Variants in TFPI observed in about 807,000 individuals in gnomAD.
The protein encoded by TFPI is anti-convertin.
A neutral mutation model predicts 34.6 loss-of-function variants in TFPI; 15 were observed. That is an observed-to-expected ratio of 0.43 (90% CI 0.29 to 0.67). The LOEUF is 0.67. Ranked by LOEUF, TFPI falls within the 30% of genes least tolerant of loss-of-function variation. TFPI has a pLI of 0.15. For synonymous variants in TFPI, 105 were observed against 120.1 expected (o/e 0.87, Z 0.82); for missense variants, 301 against 364.0 (o/e 0.83, Z 1.41).
chr2:187,535,941 A>G (rs1310836531), intron 1 of TFPI, among the ~76,000 whole-genome samples: 1 of 152,210 alleles, frequency 6.6e-6, no homozygotes, highest in African/African-American at 2.4e-5. Context: ...ACCATCAGAG[A>G]ATACTATAAA....
intron 1 of TFPI, among the ~76,000 whole-genome samples, chr2:187,527,623 T>C (rs2106240153): frequency 6.6e-6 from 1 of 152,326 alleles, no homozygotes; most frequent in Non-Finnish European, 1.5e-5. Flanking sequence ...GGCATTAAGG[T>C]TCTTTATATA....
chr2:187,510,913 G>T (rs889462842), intron 1 of TFPI, among the ~76,000 whole-genome samples: 1 of 152,138 alleles, frequency 6.6e-6, no homozygotes, highest in Non-Finnish European at 1.5e-5. Flanking sequence ...TCTTTAACCC[G>T]GTGTCTGAGG....
intron 6 of TFPI, among the ~76,000 whole-genome samples, chr2:187,475,662 C>A (rs760182126): frequency 6.6e-6 from 1 of 152,030 alleles, no homozygotes; most frequent in Non-Finnish European, 1.5e-5. Context: ...ATTTTGTGAT[C>A]TTTTTTTCAA....
intron 1 of TFPI, among the ~76,000 whole-genome samples, chr2:187,542,360 CA>C (rs1465803946): frequency 6.7e-6 from 1 of 149,836 alleles, no homozygotes; most frequent in East Asian, 2.0e-4. Context: ...TGTGTTTTGC[CA>C]GGGGAAACAA....
intron 1 of TFPI, among the ~76,000 whole-genome samples, chr2:187,539,077 C>T (rs1688427510): frequency 1.4e-5 from 1 of 71,582 alleles, no homozygotes; most frequent in East Asian, 4.3e-4. Flanking sequence ...GTACCTTTGC[C>T]TAAATAGAGT....
chr2:187,512,857 A>C (rs373591246), intron 1 of TFPI, among the ~76,000 whole-genome samples: 2 of 152,292 alleles, frequency 1.3e-5, no homozygotes. Context: ...TGTTTAAAGA[A>C]AGAAATGTTT....
chr2:187,472,438 T>G (rs1692098837), intron 6 of TFPI, among the ~76,000 whole-genome samples: 2 of 152,188 alleles, frequency 1.3e-5, no homozygotes, highest in Non-Finnish European at 2.9e-5. Context: ...TATAACTTGG[T>G]AGATGTTGCT....
chr2:187,501,527 T>G (rs1251215787), intron 2 of TFPI, among the ~76,000 whole-genome samples: 2 of 152,128 alleles, frequency 1.3e-5, no homozygotes, highest in Non-Finnish European at 2.9e-5. Context: ...CAAACACATG[T>G]ACCTTTTGCC....
At chr2:187,497,449 A>G (rs1367083345) in intron 2 of TFPI, among the ~76,000 whole-genome samples, 2 of 152,022 alleles carry the variant, frequency 1.3e-5, no homozygotes, top group South Asian at 2.1e-4. Flanking sequence ...CTTTTTACAC[A>G]TAAAACAACC....
chr2:187,481,992 ACATAT>A (rs1443182451), intron 6 of TFPI, among the ~76,000 whole-genome samples: 1 of 152,116 alleles, frequency 6.6e-6, no homozygotes. Context: ...ACTAAAGAAG[ACATAT>A]CAGAGGCCAT....
chr2:187,497,344 A>G (rs528047101), intron 2 of TFPI, among the ~76,000 whole-genome samples: 4 of 152,064 alleles, frequency 2.6e-5, no homozygotes, highest in Non-Finnish European at 5.9e-5. Context: ...GTTGTAAGGC[A>G]ACTTCATTCA....
chr2:187,487,814 G>A (rs1693394018), intron 4 of TFPI, among the ~76,000 whole-genome samples: 2 of 151,380 alleles, frequency 1.3e-5, no homozygotes, highest in Admixed American at 6.6e-5. Context: ...ACTTTTGCAT[G>A]TATAACTGCT....
At chr2:187,540,757 G>A (rs534853851) in intron 1 of TFPI, among the ~76,000 whole-genome samples, 1 of 151,958 alleles carries the variant, frequency 6.6e-6, no homozygotes, top group East Asian at 1.9e-4. Flanking sequence ...CTGGTGTGGT[G>A]ATGTGCACCT....
intron 6 of TFPI, among the ~76,000 whole-genome samples, chr2:187,472,469 T>C (rs1411905552): frequency 6.6e-6 from 1 of 152,176 alleles, no homozygotes; most frequent in Non-Finnish European, 1.5e-5. Context: ...CTGAAACTTT[T>C]CACAAATTTA....
At chr2:187,496,303 A>C (rs2106081786) in intron 3 of TFPI, among the ~76,000 whole-genome samples, 1 of 152,272 alleles carries the variant, frequency 6.6e-6, no homozygotes. Context: ...AGAGCCATAG[A>C]GCTTCAATTT....
chr2:187,465,129 A>G lies in TFPI; in HGVS notation c.*1807T>C, dbSNP rs1247561093. 1 of 152,224 alleles carries G rather than the reference A, an allele frequency of 6.6e-6. No individual in the cohort carries two copies. Among genetic ancestry groups the G allele is most frequent in the Non-Finnish European group, 1.5e-5 (1 of 68,042 alleles). The allele number at this position is 152,224 out of a possible 1,614,324, so 9.4% of individuals were successfully genotyped here. On this transcript the variant is annotated 3_prime_UTR_variant, in exon 8 of 8. Coordinates refer to ENST00000233156, the MANE Select transcript of TFPI (RefSeq NM_006287.6). ...TGAAGGTTGTAGTTAAGTACCAACT[A>G]GTGTGAGTTCTGGGAGCATTTTGAA...
intron 1 of TFPI, among the ~76,000 whole-genome samples, chr2:187,520,863 C>A (rs1246975404): frequency 6.6e-6 from 1 of 152,062 alleles, no homozygotes; most frequent in East Asian, 1.9e-4. Context: ...GGTCTCCTGG[C>A]TTTGGCAAAT....
At chr2:187,467,445 T>C (rs2105941610) in intron 7 of TFPI, among the ~76,000 whole-genome samples, 1 of 152,232 alleles carries the variant, frequency 6.6e-6, no homozygotes, top group Admixed American at 6.5e-5. Context: ...TGTTAAAATT[T>C]TGTGCATTAC....
intron 3 of TFPI, among the ~76,000 whole-genome samples, chr2:187,494,656 A>G (rs1479292366): frequency 1.3e-5 from 2 of 152,164 alleles, no homozygotes; most frequent in East Asian, 3.9e-4. Flanking sequence ...TATTTTTTCC[A>G]TATACCAGTT....
Sources: allele counts gnomAD v4.1 joint callset (sites outside exome capture counted in the v4.1 genomes callset), GRCh38; gene constraint gnomAD v4.1.1; transcripts MANE v1.5; gene names NCBI Gene and HGNC (gene_info 2026-07-23, HGNC 2026-07-21).